Variants in SHC3 observed in about 807,000 individuals in gnomAD.
SHC3 encodes the protein SHC adaptor protein 3.
SHC3 carries 15 observed loss-of-function variants against 60.4 expected under a neutral mutation model. The ratio of observed to expected loss-of-function variants is 0.25; its 90% CI spans 0.17 to 0.38. SHC3 has a LOEUF of 0.38. Among genes scored for constraint, SHC3 ranks in the 10% least tolerant of loss-of-function variants. The pLI is 1.00. For synonymous variants in SHC3, 294 were observed against 325.9 expected, an observed-to-expected ratio of 0.90 and a Z score of 1.05; for missense variants, 677 against 786.1, an observed-to-expected ratio of 0.86 and a Z score of 1.66.
intron 2 of SHC3, among the ~76,000 whole-genome samples, chr9:89,083,793 C>T (rs1825484649): frequency 6.6e-6 from 1 of 152,122 alleles, no homozygotes; most frequent in Non-Finnish European, 1.5e-5. Context: ...TTTCTCCATC[C>T]CGAAGCTGTT....
intron 5 of SHC3, among the ~76,000 whole-genome samples, chr9:89,067,709 A>G (rs1455735323): frequency 6.6e-6 from 1 of 152,222 alleles, no homozygotes; most frequent in African/African-American, 2.4e-5. Flanking sequence ...ATTCTGCCCC[A>G]TGGTGGCCAG....
chr9:89,059,206 CGGT>C (rs1825018244), intron 6 of SHC3, among the ~76,000 whole-genome samples: 1 of 65,138 alleles, frequency 1.5e-5, no homozygotes, highest in Non-Finnish European at 3.0e-5. Context: ...TGGTGGAGGA[CGGT>C]GGTGGAGGAT....
intron 1 of SHC3, among the ~76,000 whole-genome samples, chr9:89,138,333 T>C (rs771642785): frequency 1.2e-4 from 19 of 152,362 alleles, no homozygotes; most frequent in Non-Finnish European, 2.1e-4. Flanking sequence ...TGGTTGCCCA[T>C]TTTTATAGCT....
At chr9:89,132,374 A>G (rs1222904054) in intron 1 of SHC3, among the ~76,000 whole-genome samples, 5 of 152,216 alleles carry the variant, frequency 3.3e-5, no homozygotes, top group African/African-American at 9.6e-5. Flanking sequence ...CCATCAAGCT[A>G]TCGACGACTT....
intron 9 of SHC3, among the ~76,000 whole-genome samples, chr9:89,044,178 G>A (rs1454179308): frequency 3.9e-5 from 6 of 152,242 alleles, no homozygotes; most frequent in African/African-American, 7.2e-5. Flanking sequence ...GTTATTATAT[G>A]TCTATGCACA....
chr9:89,035,854 T>G (rs1463749135), intron 11 of SHC3, among the ~76,000 whole-genome samples: 97 of 73,850 alleles, frequency 1.3e-3, no homozygotes, highest in Admixed American at 2.4e-3. Flanking sequence ...TATATAGATG[T>G]GTGTGTGTGT....
At chr9:89,118,969 A>G (rs1826053890) in intron 1 of SHC3, among the ~76,000 whole-genome samples, 1 of 152,176 alleles carries the variant, frequency 6.6e-6, no homozygotes, top group South Asian at 2.1e-4. Flanking sequence ...GCGTAACTTT[A>G]AATATGTATT....
chr9:89,149,320 C>T (rs1490570216), intron 1 of SHC3, among the ~76,000 whole-genome samples: 1 of 152,144 alleles, frequency 6.6e-6, no homozygotes, highest in African/African-American at 2.4e-5. Context: ...TTTGTTACTT[C>T]TCTGAATATT....
intron 1 of SHC3, among the ~76,000 whole-genome samples, chr9:89,124,051 A>G (rs955089824): frequency 5.3e-5 from 8 of 152,194 alleles, no homozygotes; most frequent in Admixed American, 3.9e-4. Flanking sequence ...ATTACATATA[A>G]AAACTCCTGC....
intron 1 of SHC3, among the ~76,000 whole-genome samples, chr9:89,136,640 T>C (rs890500491): frequency 6.6e-5 from 10 of 152,212 alleles, no homozygotes; most frequent in Admixed American, 5.9e-4. Context: ...TAAATAACCA[T>C]AGAAATGGGC....
At chr9:89,039,207 T>C (rs1471398100) in intron 10 of SHC3, among the ~76,000 whole-genome samples, 1 of 152,222 alleles carries the variant, frequency 6.6e-6, no homozygotes, top group Non-Finnish European at 1.5e-5. Context: ...CAGGAGTGGT[T>C]CTTTCCTGAG....
At chr9:89,015,814 T>A (rs1332646103) in intron 11 of SHC3, among the ~76,000 whole-genome samples, 1 of 152,238 alleles carries the variant, frequency 6.6e-6, no homozygotes, top group Non-Finnish European at 1.5e-5. Flanking sequence ...TGGTTGAGGC[T>A]GTGCATCGTA....
At chr9:89,023,956 C>G (rs2316318) in intron 11 of SHC3, among the ~76,000 whole-genome samples, 69,501 of 152,082 alleles carry the variant, frequency 0.46, 16,661 homozygotes, top group East Asian at 0.83. Context: ...ATTCCGAGTT[C>G]CTGACTCAGC....
intron 5 of SHC3, among the ~76,000 whole-genome samples, chr9:89,070,905 G>T (rs1825259554): frequency 6.6e-6 from 1 of 152,180 alleles, no homozygotes; most frequent in African/African-American, 2.4e-5. Context: ...GAAGCCTGTG[G>T]CAACTCTGGG....
chr9:89,142,256 T>C (rs533214996), intron 1 of SHC3, among the ~76,000 whole-genome samples: 130 of 152,270 alleles, frequency 8.5e-4, no homozygotes, highest in African/African-American at 3.0e-3. Context: ...TTTCCTTGCC[T>C]TTTATTAAGA....
intron 1 of SHC3, among the ~76,000 whole-genome samples, chr9:89,162,374 G>A (rs1489095821): frequency 3.3e-5 from 5 of 152,040 alleles, no homozygotes; most frequent in African/African-American, 1.2e-4. Flanking sequence ...AAAACAGCAT[G>A]GTACTGGTGA....
intron 11 of SHC3, among the ~76,000 whole-genome samples, chr9:89,030,927 T>C (rs929644223): frequency 6.6e-6 from 1 of 152,216 alleles, no homozygotes; most frequent in Non-Finnish European, 1.5e-5. Flanking sequence ...TTTTCTTTTT[T>C]TCTTGAGACA....
intron 1 of SHC3, among the ~76,000 whole-genome samples, chr9:89,174,486 T>C (rs754889597): frequency 1.3e-5 from 2 of 152,174 alleles, no homozygotes; most frequent in African/African-American, 2.4e-5. Flanking sequence ...CCTTCACAGG[T>C]GTTTATGAAT....
At chr9:89,066,811 C>G (rs1464287294) in intron 5 of SHC3, among the ~76,000 whole-genome samples, 1 of 152,208 alleles carries the variant, frequency 6.6e-6, no homozygotes, top group African/African-American at 2.4e-5. Context: ...TCTCTCTCAA[C>G]AGTGCCCTAC....
Sources: gnomAD v4.1 joint callset for allele counts (sites outside exome capture counted in the v4.1 genomes callset) on GRCh38, gnomAD v4.1.1 for gene constraint, MANE v1.5 for transcripts, NCBI Gene and HGNC (gene_info 2026-07-23, HGNC 2026-07-21) for gene names.